SELPLG: variants seen among roughly 807,000 people sequenced by gnomAD.
The protein encoded by SELPLG is P-selectin glycoprotein ligand 1.
SELPLG carries 2 observed loss-of-function variants against 1.1 expected under a neutral mutation model. That is an observed-to-expected ratio of 1.82 (90% CI 0.74 to 5.71). SELPLG has a LOEUF of 5.71. Ranked by LOEUF, SELPLG falls within the 30% of genes most tolerant of loss-of-function variation. The pLI, the probability that SELPLG is intolerant of heterozygous loss-of-function variation, is 0.05. For missense variants in SELPLG, 478 were observed against 524.7 expected (o/e 0.91, Z 0.87); for synonymous variants, 230 against 221.2 (o/e 1.04, Z -0.35).
intron 1 of SELPLG, among the ~76,000 whole-genome samples, chr12:108,624,970 G>A (rs1474672280): frequency 6.6e-6 from 1 of 152,026 alleles, no homozygotes; most frequent in Non-Finnish European, 1.5e-5. Context: ...GATTAGGCAT[G>A]AGCCACTGCG....
intron 1 of SELPLG, among the ~76,000 whole-genome samples, chr12:108,629,548 A>T (rs1009029331): frequency 1.3e-5 from 2 of 152,148 alleles, no homozygotes; most frequent in Non-Finnish European, 1.5e-5. Flanking sequence ...CATATCTACA[A>T]AAAAATTAAA....
chr12:108,628,202 G>GC (rs8179130), intron 1 of SELPLG, among the ~76,000 whole-genome samples: 5,233 of 152,220 alleles, frequency 0.034, 310 homozygotes, highest in African/African-American at 0.12. Flanking sequence ...GGTTGAGACT[G>GC]CAGTGAGCCG....
Position 108,623,559 on chromosome 12 carries a change from T to C in SELPLG, c.749A>G (p.Glu250Gly). The C allele has an allele frequency of 6.2e-7, 1 of 1,614,036 alleles. No homozygotes were observed. The highest frequency in any genetic ancestry group is 8.5e-7 in the Non-Finnish European group (1 of 1,179,896). ...EAQTTQPTAT[E>G]AQTTPLAAME... is the part of the protein sequence containing the mutation. ...GGCTGCCAGTGGAGTGGTCTGTGCC[T>C]CCGTGGCTGTGGGTTGAGTGGTCTG... Residue 250 changes from glutamate to glycine, a missense_variant, in exon 2 of 2, where the codon GAG (glutamate) becomes GGG (glycine). Physicochemically the swap from Glu to Gly is moderately conservative, Grantham distance 98. Coordinates refer to ENST00000550948, the MANE Select transcript of SELPLG (RefSeq NM_003006.4).
At position 108,622,535 on chromosome 12, in the gene SELPLG, G is replaced by C. The variant is rs1177491933; in HGVS notation, c.*534C>G. On this transcript the variant is annotated 3_prime_UTR_variant, in exon 2 of 2. Transcript: ENST00000550948. ...CAGAGAGGTGCCCAAGAAGACCCAA[G>C]CTGCCCCAAGTCAGAGGAGCAGCAG... 1 of 152,864 alleles carries C rather than the reference G, an allele frequency of 6.5e-6. No homozygotes were observed. The highest frequency in any genetic ancestry group is 2.4e-5 in the African/African-American group (1 of 41,462). The allele number at this position is 152,864 out of a possible 1,614,324, so 9.5% of individuals were successfully genotyped here.
At chr12:108,629,600 T>G (rs2032007498) in intron 1 of SELPLG, among the ~76,000 whole-genome samples, 1 of 152,136 alleles carries the variant, frequency 6.6e-6, no homozygotes, top group African/African-American at 2.4e-5. Context: ...TCCCAGCTAC[T>G]CGGGAGGCTG....
At position 108,622,992 on chromosome 12, in the gene SELPLG, A is replaced by C; in HGVS notation, c.*77T>G. ...CTCCGAGGAAGCCCAGAGCTGTGGA[A>C]TGGGGTCTGGGCACTCAGGGGTGGC... On this transcript the variant is annotated 3_prime_UTR_variant, in exon 2 of 2. Transcript: ENST00000550948. 1.5e-6 allele frequency: 2 copies of C among 1,372,686 alleles called. No homozygotes were observed. The highest frequency in any genetic ancestry group is 1.9e-6 in the Non-Finnish European group (2 of 1,034,234). 85.0% of individuals were successfully genotyped at this position (1,372,686 alleles called of 1,614,324 possible). A position where few individuals can be genotyped will look rare whatever the true frequency, so the allele number is the denominator to read the frequency against.
chr12:108,624,156 T>C lies in SELPLG; in HGVS notation c.152A>G (p.Tyr51Cys). 6.2e-7 allele frequency: 1 copy of C among 1,614,186 alleles called. No individual in the cohort carries two copies. The highest frequency in any genetic ancestry group is 8.5e-7 in the Non-Finnish European group (1 of 1,180,026). Residue 51 changes from tyrosine to cysteine, a missense_variant, in exon 2 of 2, where the codon TAT (tyrosine) becomes TGT (cysteine). Coordinates refer to ENST00000550948, the MANE Select transcript of SELPLG (RefSeq NM_003006.4). ...AGGCTCCGTTTCTGGCAGGAAATCA[T>C]AATCTAGGTACTCATATTCGGTGGC... ...RQATEYEYLD[Y>C]DFLPETEPPE...
At chr12:108,631,141 CT>C (rs1206057383) in intron 1 of SELPLG, among the ~76,000 whole-genome samples, 1 of 152,228 alleles carries the variant, frequency 6.6e-6, no homozygotes, top group Admixed American at 6.5e-5. Flanking sequence ...TGTCTTCACA[CT>C]TTTCACACCA....
At chr12:108,625,396 C>G (rs1020050785) in intron 1 of SELPLG, among the ~76,000 whole-genome samples, 1 of 152,168 alleles carries the variant, frequency 6.6e-6, no homozygotes, top group Non-Finnish European at 1.5e-5. Context: ...TACTTCACAG[C>G]CTATTGTGAG....
In SELPLG at chr12:108,623,234, G is replaced by A; in HGVS notation, c.1074C>T (p.Ser358=). 2 of 1,613,294 alleles carry A rather than the reference G, an allele frequency of 1.2e-6. No homozygotes were observed. The highest frequency in any genetic ancestry group is 2.2e-5 in the East Asian group (1 of 44,840). Residue 358 remains serine, a synonymous_variant, in exon 2 of 2, where the codon TCC becomes TCT. Coordinates refer to ENST00000550948, the MANE Select transcript of SELPLG (RefSeq NM_003006.4). ...KGHMYPVRNY[S]PTEMVCISSL... ...ATGAGATGCAGACCATCTCGGTGGG[G>A]GAGTAATTACGCACGGGGTACATGT...
chr12:108,624,717 T>A (rs1180792182), intron 1 of SELPLG, among the ~76,000 whole-genome samples: 1 of 144,856 alleles, frequency 6.9e-6, no homozygotes, highest in African/African-American at 2.6e-5. Flanking sequence ...TTAGATGGAG[T>A]CTTGCTCTGT....
Position 108,631,923 on chromosome 12 carries a change from A to G in SELPLG, c.-6+1817T>C, listed in dbSNP as rs528909461. ...CCATCTTCCTGTTCAAGTTCAGCAA[A>G]GGAAGCCGAGACACAGGCCTAGGGT... is the stretch of plus-strand genomic sequence containing the variant. On this transcript the variant is annotated intron_variant, in intron 1 of 1. Coordinates refer to ENST00000550948, the MANE Select transcript of SELPLG (RefSeq NM_003006.4). The G allele has an allele frequency of 3.0e-5, 46 of 1,535,516 alleles. No homozygotes were observed. The South Asian group carries it at 3.1e-4, about 10-fold the overall frequency.
intron 1 of SELPLG, chr12:108,631,889 C>T (rs2136772068): frequency 5.9e-6 from 9 of 1,535,594 alleles, no homozygotes; most frequent in African/African-American, 2.7e-5. Context: ...AGACCACTGG[C>T]CCCCACTGCC....
In SELPLG at chr12:108,623,236, A is replaced by T; in HGVS notation, c.1072T>A (p.Ser358Thr). Residue 358 changes from serine to threonine, a missense_variant, in exon 2 of 2, where the codon TCC (serine) becomes ACC (threonine). Transcript: ENST00000550948. ...KGHMYPVRNY[S>T]PTEMVCISSL... is the part of the protein sequence containing the mutation. ...GAGATGCAGACCATCTCGGTGGGGGAGTAATTACGCACGGGGTACATGTGG... is the reference window on the plus strand; with the variant it reads ...GAGATGCAGACCATCTCGGTGGGGGTGTAATTACGCACGGGGTACATGTGG... 1 of 1,581,944 alleles carries T rather than the reference A, an allele frequency of 6.3e-7. No individual in the cohort carries two copies. Among genetic ancestry groups the T allele is most frequent in the Non-Finnish European group, 8.6e-7 (1 of 1,161,228 alleles).
At chr12:108,628,256 C>G (rs1309012498) in intron 1 of SELPLG, among the ~76,000 whole-genome samples, 1 of 151,008 alleles carries the variant, frequency 6.6e-6, no homozygotes, top group African/African-American at 2.4e-5. Flanking sequence ...GAGTGAGACC[C>G]TGTCTCAAAA....
Position 108,622,982 on chromosome 12 carries a change from G to T in SELPLG, c.*87C>A. The T allele has an allele frequency of 7.4e-7, 1 of 1,347,902 alleles. No individual in the cohort carries two copies. 83.5% of individuals were successfully genotyped at this position (1,347,902 alleles called of 1,614,324 possible). A position where few individuals can be genotyped will look rare whatever the true frequency, so the allele number is the denominator to read the frequency against. On this transcript the variant is annotated 3_prime_UTR_variant, in exon 2 of 2. Transcript: ENST00000550948. The stretch of plus-strand genomic sequence containing the variant: ...CCCCAGGGGTCTCCGAGGAAGCCCA[G>T]AGCTGTGGAATGGGGTCTGGGCACT...
Position 108,624,034 on chromosome 12 carries a change from C to A in SELPLG, c.274G>T (p.Gly92Cys). The change falls in exon 2 of 2, where the codon GGC becomes TGC. Residue 92 changes from glycine to cysteine, a missense_variant. Coordinates refer to ENST00000550948, the MANE Select transcript of SELPLG (RefSeq NM_003006.4). ...TVEPAARRSTGLDAGGAVTEL... is the reference protein window; with the variant it reads ...TVEPAARRSTCLDAGGAVTEL... ...GTGACTGCCCCTCCTGCATCCAGGCCAGTAGAACGCCTTGCAGCAGGCTCC... is the reference window on the plus strand; with the variant it reads ...GTGACTGCCCCTCCTGCATCCAGGCAAGTAGAACGCCTTGCAGCAGGCTCC... 1 of 1,614,232 alleles carries A rather than the reference C, an allele frequency of 6.2e-7. No homozygotes were observed. Among genetic ancestry groups the A allele is most frequent in the Non-Finnish European group, 8.5e-7 (1 of 1,180,040 alleles).
chr12:108,630,358 C>T (rs1224185183), intron 1 of SELPLG, among the ~76,000 whole-genome samples: 11 of 152,244 alleles, frequency 7.2e-5, no homozygotes. Context: ...CCTCGTGGGG[C>T]TCCACGCCGC....
intron 1 of SELPLG, among the ~76,000 whole-genome samples, chr12:108,627,416 G>A (rs1372700062): frequency 6.6e-6 from 1 of 151,790 alleles, no homozygotes; most frequent in Non-Finnish European, 1.5e-5. Flanking sequence ...CCCCAGAAAG[G>A]CCTGCCACAT....
Sources: gnomAD v4.1 joint callset for allele counts (sites outside exome capture counted in the v4.1 genomes callset) on GRCh38, gnomAD v4.1.1 for gene constraint, MANE v1.5 for transcripts, NCBI Gene and HGNC (gene_info 2026-07-23, HGNC 2026-07-21) for gene names.